The following NCALD variants were observed in gnomAD, a reference collection of about 807,000 sequenced individuals.
NCALD encodes the protein neurocalcin delta.
A neutral mutation model predicts 18.6 loss-of-function variants in NCALD; 10 were observed. The observed-to-expected ratio is 0.54, with a 90% CI of 0.33 to 0.91. The LOEUF (loss-of-function observed/expected upper bound fraction) is 0.91, where lower values mean the gene tolerates loss of function less well. Among genes scored for constraint, NCALD ranks in the 40% least tolerant of loss-of-function variants. The pLI, the probability that NCALD is intolerant of heterozygous loss-of-function variation, is 0.03. For synonymous variants in NCALD, 88 were observed against 87.4 expected, an observed-to-expected ratio of 1.01 and a Z score of -0.04; for missense variants, 184 against 247.6, an observed-to-expected ratio of 0.74 and a Z score of 1.72.
At chr8:101,959,003 A>G (rs1056816088) in intron 2 of NCALD, among the ~76,000 whole-genome samples, 2 of 152,164 alleles carry the variant, frequency 1.3e-5, no homozygotes, top group African/African-American at 2.4e-5. Context: ...ATGAACATCA[A>G]AATTGTGAAA....
chr8:101,833,702 G>A (rs1814287559), intron 4 of NCALD, among the ~76,000 whole-genome samples: 1 of 139,700 alleles, frequency 7.2e-6, no homozygotes. Flanking sequence ...CCAAGGCCAA[G>A]GTTTAATTCC....
At chr8:102,115,567 A>G (rs1825758594) in intron 1 of NCALD, among the ~76,000 whole-genome samples, 1 of 152,216 alleles carries the variant, frequency 6.6e-6, no homozygotes, top group African/African-American at 2.4e-5. Flanking sequence ...CCATTGCCAA[A>G]GCTACTCTTT....
rs113436565 is a variant in NCALD at position 102,104,101 on chromosome 8, G to A, written c.-210+20136C>T. ...GTAGCCTCAAACTATATCCGCACGC[G>A]TGAAGACTTGCTGGTTTAACCTCCA... is the stretch of plus-strand genomic sequence containing the variant. On this transcript the variant is annotated intron_variant, in intron 1 of 6. Coordinates refer to the NCALD transcript ENST00000311028. Among the ~76,000 whole-genome samples, 94 of 152,284 alleles carry A rather than the reference G, an allele frequency of 6.2e-4. 1 individual carries two copies. Among genetic ancestry groups the A allele is most frequent in the South Asian group, 3.9e-3 (19 of 4,822 alleles).
intron 1 of NCALD, among the ~76,000 whole-genome samples, chr8:102,042,778 A>G (rs1823097260): frequency 1.3e-5 from 2 of 151,276 alleles, no homozygotes; most frequent in South Asian, 2.1e-4. Context: ...TCAGGGTGGC[A>G]AAGGGTAAGG....
chr8:102,002,734 C>A (rs186189006), intron 2 of NCALD, among the ~76,000 whole-genome samples: 5 of 152,080 alleles, frequency 3.3e-5, no homozygotes, highest in Non-Finnish European at 7.4e-5. Flanking sequence ...CATTCAAAAC[C>A]GCTCAACTAC....
At chr8:102,110,819 A>G (rs1825617529) in intron 1 of NCALD, among the ~76,000 whole-genome samples, 1 of 152,238 alleles carries the variant, frequency 6.6e-6, no homozygotes, top group African/African-American at 2.4e-5. Flanking sequence ...CAAAAAATGT[A>G]TAATAAAATG....
chr8:101,691,276 GA>G, intron 3 of NCALD: 2 of 985,064 alleles, frequency 2.0e-6, no homozygotes, highest in Non-Finnish European at 2.4e-6. Context: ...CCTAACCTTT[GA>G]AAATTTAATT....
chr8:101,695,492 T>A (rs1018924186), intron 2 of NCALD, among the ~76,000 whole-genome samples: 5 of 152,106 alleles, frequency 3.3e-5, no homozygotes, highest in African/African-American at 9.7e-5. Flanking sequence ...CATGATACGC[T>A]CCTTGGTGTC....
At chr8:102,010,413 T>C (rs4734052) in intron 2 of NCALD, among the ~76,000 whole-genome samples, 23,184 of 152,244 alleles carry the variant, frequency 0.15, 2,361 homozygotes, top group African/African-American at 0.29. Context: ...AGAGTAATTA[T>C]GACATCATAA....
chr8:102,033,947 T>C (rs151062653), intron 1 of NCALD, among the ~76,000 whole-genome samples: 53 of 152,092 alleles, frequency 3.5e-4, no homozygotes, highest in African/African-American at 1.1e-3. Flanking sequence ...CATATAGATA[T>C]AGATATATAT....
At chr8:102,045,541 G>A (rs1823208240) in intron 1 of NCALD, among the ~76,000 whole-genome samples, 1 of 152,188 alleles carries the variant, frequency 6.6e-6, no homozygotes, top group Admixed American at 6.5e-5. Flanking sequence ...CAGTCAAGCT[G>A]TAGCTGTTTT....
chr8:101,873,746 A>G (rs1329617429), intron 4 of NCALD, among the ~76,000 whole-genome samples: 1 of 152,202 alleles, frequency 6.6e-6, no homozygotes, highest in Non-Finnish European at 1.5e-5. Flanking sequence ...CCCATTGCAA[A>G]GCCCTGAGCT....
chr8:102,004,389 C>G (rs1821610550), intron 2 of NCALD, among the ~76,000 whole-genome samples: 2 of 151,828 alleles, frequency 1.3e-5, no homozygotes, highest in South Asian at 2.1e-4. Flanking sequence ...AGGATACAAA[C>G]AAATGGAAGA....
chr8:101,792,610 A>G (rs1229149938), upstream of NCALD, among the ~76,000 whole-genome samples: 2 of 152,226 alleles, frequency 1.3e-5, no homozygotes, highest in Non-Finnish European at 2.9e-5. Flanking sequence ...CAACAGCCAC[A>G]ATTCATAAAC....
chr8:101,971,697 T>G (rs1820247817), intron 2 of NCALD, among the ~76,000 whole-genome samples: 1 of 152,160 alleles, frequency 6.6e-6, no homozygotes, highest in South Asian at 2.1e-4. Flanking sequence ...AATACAGTGA[T>G]GGTCCAAAGT....
chr8:102,081,252 T>C (rs1228974104), intron 1 of NCALD, among the ~76,000 whole-genome samples: 2 of 152,168 alleles, frequency 1.3e-5, no homozygotes, highest in East Asian at 1.9e-4. Context: ...ACGTACTGTT[T>C]ATCATAATGT....
At chr8:102,017,354 A>T (rs900713898) in intron 2 of NCALD, among the ~76,000 whole-genome samples, 9 of 138,334 alleles carry the variant, frequency 6.5e-5, no homozygotes, top group African/African-American at 2.0e-4. Context: ...TAAAATTTCT[A>T]AAAAAAAAAA....
At chr8:101,802,295 C>T (rs1172684642) in intron 4 of NCALD, among the ~76,000 whole-genome samples, 2 of 152,054 alleles carry the variant, frequency 1.3e-5, no homozygotes, top group Non-Finnish European at 2.9e-5. Context: ...CATTGATTGG[C>T]CTTCCCTCAT....
intron 1 of NCALD, among the ~76,000 whole-genome samples, chr8:102,115,788 A>T (rs1825763678): frequency 6.6e-6 from 1 of 152,116 alleles, no homozygotes; most frequent in African/African-American, 2.4e-5. Flanking sequence ...TCCTCTGAGA[A>T]ATTATATTTC....
Sources: gnomAD v4.1 joint callset for allele counts (sites outside exome capture counted in the v4.1 genomes callset) on GRCh38, gnomAD v4.1.1 for gene constraint, MANE v1.5 for transcripts, NCBI Gene and HGNC (gene_info 2026-07-23, HGNC 2026-07-21) for gene names.